ZFPM2: variants seen among roughly 807,000 people sequenced by gnomAD.
ZFPM2 encodes the protein zinc finger protein, FOG family member 2.
A neutral mutation model predicts 98.6 loss-of-function variants in ZFPM2; 20 were observed. The ratio of observed to expected loss-of-function variants is 0.20; its 90% CI spans 0.14 to 0.29. The LOEUF (loss-of-function observed/expected upper bound fraction) is 0.29, where lower values mean the gene tolerates loss of function less well. ZFPM2 is among the 10% of genes least tolerant of loss of function. ZFPM2 has a pLI of 1.00. For missense variants in ZFPM2, 1,310 were observed against 1,388.6 expected, an observed-to-expected ratio of 0.94 and a Z score of 0.90; for synonymous variants, 518 against 502.7, an observed-to-expected ratio of 1.03 and a Z score of -0.41.
intron 4 of ZFPM2, among the ~76,000 whole-genome samples, chr8:105,588,551 G>A (rs1815775823): frequency 6.6e-6 from 1 of 152,156 alleles, no homozygotes; most frequent in South Asian, 2.1e-4. Context: ...GGGTCCTTGT[G>A]CAGCCTCAGT....
chr8:105,445,587 G>C (rs887941800), intron 3 of ZFPM2, among the ~76,000 whole-genome samples: 1 of 151,436 alleles, frequency 6.6e-6, no homozygotes, highest in South Asian at 2.1e-4. Context: ...AAAACAGTGA[G>C]TGAACTTTTA....
At chr8:105,508,296 G>C (rs1813743667) in intron 3 of ZFPM2, among the ~76,000 whole-genome samples, 1 of 152,068 alleles carries the variant, frequency 6.6e-6, no homozygotes, top group Non-Finnish European at 1.5e-5. Flanking sequence ...AAACTTATCA[G>C]CTTCTGTCTC....
At chr8:105,480,349 C>T (rs1813090079) in intron 3 of ZFPM2, among the ~76,000 whole-genome samples, 1 of 152,152 alleles carries the variant, frequency 6.6e-6, no homozygotes, top group Non-Finnish European at 1.5e-5. Flanking sequence ...TGCATTCATG[C>T]ACGTATCTGC....
chr8:105,786,274 C>T (rs1813415106), intron 5 of ZFPM2, among the ~76,000 whole-genome samples: 1 of 152,096 alleles, frequency 6.6e-6, no homozygotes, highest in African/African-American at 2.4e-5. Flanking sequence ...TGTCTAACTT[C>T]TCCAAGAAGT....
Position 105,523,641 on chromosome 8 carries a change from AC to A in ZFPM2, c.302-37716del, listed in dbSNP as rs1417219935. Among the ~76,000 whole-genome samples, 7 of 151,924 alleles carry A rather than the reference AC, an allele frequency of 4.6e-5. 1 individual carries two copies. Among genetic ancestry groups the A allele is most frequent in the South Asian group, 2.1e-4 (1 of 4,800 alleles). The stretch of plus-strand genomic sequence containing the variant: ...CTCTATTGCATCTGTCAATTACTGC[AC>A]CCCCCTACCTCCGTGCCAGTGGTGG... On this transcript the variant is annotated intron_variant, in intron 3 of 7. Coordinates refer to ENST00000407775, the MANE Select transcript of ZFPM2 (RefSeq NM_012082.4).
At chr8:105,640,138 G>A (rs1347402817) in intron 5 of ZFPM2, among the ~76,000 whole-genome samples, 2 of 151,864 alleles carry the variant, frequency 1.3e-5, no homozygotes, top group Non-Finnish European at 2.9e-5. Flanking sequence ...TTTAGGTTTC[G>A]ATGGGTTAAG....
intron 5 of ZFPM2, among the ~76,000 whole-genome samples, chr8:105,643,925 A>G (rs569779074): frequency 6.6e-6 from 1 of 152,322 alleles, no homozygotes; most frequent in South Asian, 2.1e-4. Flanking sequence ...TTGTAAATAA[A>G]GTTTTACTGG....
intron 5 of ZFPM2, among the ~76,000 whole-genome samples, chr8:105,699,361 C>A (rs1811090621): frequency 6.6e-6 from 1 of 151,924 alleles, no homozygotes; most frequent in African/African-American, 2.4e-5. Context: ...AGTGGATTTC[C>A]AAGAGAGATG....
At chr8:105,722,406 A>C (rs1256361034) in intron 5 of ZFPM2, among the ~76,000 whole-genome samples, 1 of 151,796 alleles carries the variant, frequency 6.6e-6, no homozygotes, top group Non-Finnish European at 1.5e-5. Flanking sequence ...CACCTGGATA[A>C]GGGTTGCCAA....
chr8:105,748,624 G>A (rs886775037), intron 5 of ZFPM2, among the ~76,000 whole-genome samples: 3 of 151,964 alleles, frequency 2.0e-5, no homozygotes, highest in African/African-American at 7.2e-5. Flanking sequence ...GATAGGTTAT[G>A]TGGCTCACCT....
intron 1 of ZFPM2, among the ~76,000 whole-genome samples, chr8:105,359,362 T>C (rs1758683349): frequency 8.0e-6 from 1 of 124,470 alleles, no homozygotes; most frequent in Non-Finnish European, 1.8e-5. Flanking sequence ...TTTTTCTTTT[T>C]CTTTCTTTTT....
intron 1 of ZFPM2, among the ~76,000 whole-genome samples, chr8:105,365,593 A>C (rs543677731): frequency 2.6e-5 from 4 of 152,210 alleles, no homozygotes; most frequent in Non-Finnish European, 5.9e-5. Flanking sequence ...TAAAATCAAC[A>C]AGCAGCAGTT....
intron 4 of ZFPM2, among the ~76,000 whole-genome samples, chr8:105,589,839 A>C (rs1307630314): frequency 6.6e-6 from 1 of 152,128 alleles, no homozygotes; most frequent in Admixed American, 6.5e-5. Flanking sequence ...CTCCTGCCTC[A>C]GTCTCCCAAG....
intron 4 of ZFPM2, among the ~76,000 whole-genome samples, chr8:105,572,459 T>G (rs1815378541): frequency 6.6e-6 from 1 of 152,126 alleles, no homozygotes. Flanking sequence ...ATTTAAATAT[T>G]GAATTTAAAG....
In ZFPM2 at chr8:105,508,177, T is replaced by C. The variant is rs114180226; in HGVS notation, c.302-53186T>C. The stretch of plus-strand genomic sequence containing the variant: ...GTTTCTTTTGGAGAATACCTCACCG[T>C]TTACAGCAGCAAAATCCCATCTGAT... On this transcript the variant is annotated intron_variant, in intron 3 of 7. Transcript: ENST00000407775. Among the ~76,000 whole-genome samples the C allele has an allele frequency of 4.0e-3, 613 of 152,232 alleles. 4 individuals are homozygous for C. Among genetic ancestry groups the C allele is most frequent in the African/African-American group, 0.014 (583 of 41,550 alleles).
At chr8:105,469,290 AAAG>A (rs1335030010) in intron 3 of ZFPM2, among the ~76,000 whole-genome samples, 2 of 152,178 alleles carry the variant, frequency 1.3e-5, no homozygotes, top group African/African-American at 2.4e-5. Context: ...CTTGTGATTA[AAAG>A]AAGATGGCTT....
intron 5 of ZFPM2, among the ~76,000 whole-genome samples, chr8:105,644,675 C>A (rs1817008993): frequency 6.6e-6 from 1 of 152,096 alleles, no homozygotes; most frequent in Non-Finnish European, 1.5e-5. Context: ...TCTCATGATT[C>A]CGGAGACTGG....
At chr8:105,476,433 G>A (rs376599464) in intron 3 of ZFPM2, among the ~76,000 whole-genome samples, 1 of 152,148 alleles carries the variant, frequency 6.6e-6, no homozygotes, top group Non-Finnish European at 1.5e-5. Context: ...ATGATCTAAG[G>A]TGGAATAGTT....
In ZFPM2 at chr8:105,691,373, C is replaced by T. The variant is rs1303091578; in HGVS notation, c.532+57016C>T. 2.9e-4 allele frequency among the ~76,000 whole-genome samples: 41 copies of T among 142,482 alleles called. 2 individuals carry two copies. Among genetic ancestry groups the T allele is most frequent in the Non-Finnish European group, 5.5e-4 (36 of 65,834 alleles). The allele number at this position is 142,482 out of a possible 152,430, so 93.5% of individuals were successfully genotyped here. A position where few individuals can be genotyped will look rare whatever the true frequency, so the allele number is the denominator to read the frequency against. ...ACGCCATTCTCCTGCCTCAGCCTCCCGAGTAGCCGGGACTACGGGCGCCCG... is the reference window on the plus strand; with the variant it reads ...ACGCCATTCTCCTGCCTCAGCCTCCTGAGTAGCCGGGACTACGGGCGCCCG... On this transcript the variant is annotated intron_variant, in intron 5 of 7. Transcript: ENST00000407775.
Sources: allele counts gnomAD v4.1 joint callset (sites outside exome capture counted in the v4.1 genomes callset), GRCh38; gene constraint gnomAD v4.1.1; transcripts MANE v1.5; gene names NCBI Gene and HGNC (gene_info 2026-07-23, HGNC 2026-07-21).